Variants in TTC22 observed in about 807,000 individuals in gnomAD.
TTC22 encodes the protein tetratricopeptide repeat domain 22, also known as tetratricopeptide repeat protein 22.
In TTC22, 42 loss-of-function variants were observed where a neutral mutation model predicts 48.2. The observed-to-expected ratio is 0.87, with a 90% CI of 0.68 to 1.13. The LOEUF is 1.13. Among genes scored for constraint, TTC22 ranks in the 50% most tolerant of loss-of-function variants. The probability of loss-of-function intolerance (pLI) is 0.00; values close to 1 mark genes in which losing one functional copy is unlikely to be tolerated. For synonymous variants in TTC22, 345 were observed against 365.5 expected (o/e 0.94, Z 0.64); for missense variants, 784 against 807.0 (o/e 0.97, Z 0.34).
intron 5 of TTC22, chr1:54,784,897 C>T (rs1346474746): frequency 1.1e-6 from 1 of 873,290 alleles, no homozygotes; most frequent in Admixed American, 3.8e-5. Flanking sequence ...GCAGAACTCA[C>T]CTAAGTGTGT....
At chr1:54,786,655 C>A (rs1156629500) in intron 4 of TTC22, 3 of 318,896 alleles carry the variant, frequency 9.4e-6, no homozygotes, top group African/African-American at 2.1e-5. Flanking sequence ...TACTATGCCA[C>A]TGGGGGTGGA....
intron 1 of TTC22, among the ~76,000 whole-genome samples, chr1:54,800,147 G>C (rs1646421977): frequency 1.3e-5 from 2 of 152,192 alleles, no homozygotes; most frequent in African/African-American, 4.8e-5. Context: ...AAGGCACTGA[G>C]GGGAGTGTGC....
intron 5 of TTC22, among the ~76,000 whole-genome samples, chr1:54,782,969 G>A (rs543639198): frequency 1.7e-3 from 259 of 152,310 alleles, no homozygotes; most frequent in African/African-American, 5.8e-3. Flanking sequence ...TGGCAGCACC[G>A]ATTTTGTGAG....
intron 1 of TTC22, among the ~76,000 whole-genome samples, chr1:54,797,074 G>A (rs1303587838): frequency 1.3e-5 from 2 of 152,184 alleles, no homozygotes; most frequent in Non-Finnish European, 2.9e-5. Context: ...CAGGAATCAT[G>A]TGAGGTTCAC....
chr1:54,799,017 C>T (rs1341251771), intron 1 of TTC22, among the ~76,000 whole-genome samples: 2 of 152,236 alleles, frequency 1.3e-5, no homozygotes, highest in African/African-American at 2.4e-5. Flanking sequence ...TGAGCACCTA[C>T]TCTGCCAGGT....
At chr1:54,800,181 G>A (rs1484345614) in intron 1 of TTC22, among the ~76,000 whole-genome samples, 1 of 152,190 alleles carries the variant, frequency 6.6e-6, no homozygotes, top group Non-Finnish European at 1.5e-5. Flanking sequence ...AGGGAGCTGT[G>A]CTTCCCTGTG....
intron 5 of TTC22, among the ~76,000 whole-genome samples, chr1:54,784,014 A>T (rs1052594712): frequency 6.6e-6 from 1 of 152,200 alleles, no homozygotes; most frequent in Non-Finnish European, 1.5e-5. Flanking sequence ...AAATAATTTT[A>T]AAAATAAATT....
In TTC22 at chr1:54,788,148, A is replaced by T. The variant is rs1196638753; in HGVS notation, c.568-51T>A. 4.4e-6 allele frequency: 7 copies of T among 1,577,072 alleles called. No individual in the cohort carries two copies. In the African/African-American group the frequency reaches 9.4e-5, roughly 21 times the overall value. On this transcript the variant is annotated intron_variant, in intron 1 of 6. Transcript: ENST00000371276. The stretch of plus-strand genomic sequence containing the variant: ...CTGCCATTACTGAGGTACTCTGGCC[A>T]TTGTTCATAAACTCCCACACTCACT...
At chr1:54,791,013 C>T (rs1446205914) in intron 1 of TTC22, among the ~76,000 whole-genome samples, 1 of 152,176 alleles carries the variant, frequency 6.6e-6, no homozygotes, top group African/African-American at 2.4e-5. Flanking sequence ...GTGTCTGCCA[C>T]CACACCCGAC....
At chr1:54,797,119 G>T (rs1288568152) in intron 1 of TTC22, among the ~76,000 whole-genome samples, 2 of 152,178 alleles carry the variant, frequency 1.3e-5, no homozygotes, top group Non-Finnish European at 2.9e-5. Context: ...GGAAACTGAG[G>T]CTCAGAGGAA....
Position 54,801,287 on chromosome 1 carries a change from G to C in TTC22, c.-124C>G. On this transcript the variant is annotated 5_prime_UTR_variant, in exon 1 of 7. Transcript: ENST00000371276. ...GGGGCAGCCGGCAGAGGCCCCGGGC[G>C]CTGCGGCCTCTCGGTCTCAGGGCGC... 1 of 1,020,468 alleles carries C rather than the reference G, an allele frequency of 9.8e-7. No individual in the cohort carries two copies. The highest frequency in any genetic ancestry group is 1.4e-6 in the Non-Finnish European group (1 of 704,626). 63.2% of individuals were successfully genotyped at this position (1,020,468 alleles called of 1,614,324 possible). A position where few individuals can be genotyped will look rare whatever the true frequency, so the allele number is the denominator to read the frequency against.
rs1646257260 is a variant in TTC22 at position 54,781,062 on chromosome 1, T to C, written c.*181A>G. The stretch of plus-strand genomic sequence containing the variant: ...CTCTCGGGAATCAGGCCTTCCAGTC[T>C]GGGTGGGCGTTTCAAACCGCGCGGG... On this transcript the variant is annotated 3_prime_UTR_variant, in exon 7 of 7. Transcript: ENST00000371276. The C allele has an allele frequency of 2.3e-6, 1 of 426,378 alleles. No homozygotes were observed. 26.4% of individuals were successfully genotyped at this position (426,378 alleles called of 1,614,324 possible). A position where few individuals can be genotyped will look rare whatever the true frequency, so the allele number is the denominator to read the frequency against.
In TTC22 at chr1:54,800,991, T is replaced by G; in HGVS notation, c.173A>C (p.Gln58Pro). 1.9e-6 allele frequency: 3 copies of G among 1,606,422 alleles called. No homozygotes were observed. In the East Asian group the frequency reaches 6.7e-5, roughly 36 times the overall value. The change falls in exon 1 of 7, where the codon CAG becomes CCG. Residue 58 changes from glutamine to proline, a missense_variant. Transcript: ENST00000371276. ...LQREGLRQEL[Q>P]LAAAPQRPAV... ...GGGGCGCTGCGGGGCGGCCGCCAGC[T>G]GGAGCTCCTGCCGCAGACCCTCCCG...
chr1:54,783,975 C>G (rs1050703697), intron 5 of TTC22, among the ~76,000 whole-genome samples: 1 of 152,170 alleles, frequency 6.6e-6, no homozygotes, highest in Non-Finnish European at 1.5e-5. Context: ...CCACTCCAGC[C>G]TGGGTGACAG....
intron 5 of TTC22, chr1:54,784,903 T>C: frequency 6.3e-6 from 5 of 793,316 alleles, no homozygotes; most frequent in Non-Finnish European, 8.8e-6. Context: ...CTCACCTAAG[T>C]GTGTAACTTG....
intron 5 of TTC22, chr1:54,785,755 G>T: frequency 1.9e-6 from 1 of 522,926 alleles, no homozygotes; most frequent in Non-Finnish European, 3.5e-6. Flanking sequence ...CTAGGCTGCA[G>T]TGAGCCGTGG....
intron 1 of TTC22, among the ~76,000 whole-genome samples, chr1:54,789,786 CATCCCCATGGCT>C (rs1056466130): frequency 1.3e-5 from 2 of 152,232 alleles, no homozygotes; most frequent in Admixed American, 6.5e-5. Flanking sequence ...AATCCAGGAA[CATCCCCATGGCT>C]ATCCAGAGGA....
At chr1:54,785,549 C>T (rs1171779467) in intron 5 of TTC22, 18 of 452,822 alleles carry the variant, frequency 4.0e-5, no homozygotes, top group Non-Finnish European at 7.1e-5. Context: ...TAGTGGCTCA[C>T]ACCTGGAATT....
At chr1:54,794,333 G>A (rs1557775798) in intron 1 of TTC22, among the ~76,000 whole-genome samples, 1 of 152,162 alleles carries the variant, frequency 6.6e-6, no homozygotes, top group Non-Finnish European at 1.5e-5. Context: ...GTCTTAACTC[G>A]GGTGGGGTAC....
Sources: gnomAD v4.1 joint callset for allele counts (sites outside exome capture counted in the v4.1 genomes callset) on GRCh38, gnomAD v4.1.1 for gene constraint, MANE v1.5 for transcripts, NCBI Gene and HGNC (gene_info 2026-07-23, HGNC 2026-07-21) for gene names.